Variants in MLLT3 observed in about 807,000 individuals in gnomAD.
MLLT3 encodes the protein MLLT3 super elongation complex subunit.
MLLT3 carries 4 observed loss-of-function variants against 53.2 expected under a neutral mutation model. The observed-to-expected ratio is 0.08, with a 90% CI of 0.04 to 0.17. The LOEUF (loss-of-function observed/expected upper bound fraction) is 0.17. MLLT3 is among the 10% of genes least tolerant of loss of function. The pLI is 1.00. For missense variants in MLLT3, 569 were observed against 684.0 expected (o/e 0.83, Z 1.87); for synonymous variants, 283 against 230.6 (o/e 1.23, Z -2.06).
At chr9:20,608,054 A>T (rs1423953193) in intron 2 of MLLT3, among the ~76,000 whole-genome samples, 2 of 152,082 alleles carry the variant, frequency 1.3e-5, no homozygotes, top group Admixed American at 6.5e-5. Context: ...TCCAAAAAGG[A>T]CCACTTCTTT....
chr9:20,394,590 T>C (rs1342291024), intron 5 of MLLT3, among the ~76,000 whole-genome samples: 1 of 152,074 alleles, frequency 6.6e-6, no homozygotes, highest in African/African-American at 2.4e-5. Context: ...AACTTTACTA[T>C]CTGGAGGCAA....
intron 5 of MLLT3, among the ~76,000 whole-genome samples, chr9:20,392,581 C>T (rs1822215375): frequency 6.6e-6 from 1 of 152,162 alleles, no homozygotes; most frequent in Non-Finnish European, 1.5e-5. Context: ...TTAAATTTCA[C>T]TTTCTTGGGT....
chr9:20,353,887 T>A (rs1464561419), intron 9 of MLLT3, among the ~76,000 whole-genome samples: 1 of 152,158 alleles, frequency 6.6e-6, no homozygotes, highest in Non-Finnish European at 1.5e-5. Context: ...TCCAACAATA[T>A]CTCTACAAAA....
At chr9:20,476,287 G>A (rs2118897304) in intron 2 of MLLT3, among the ~76,000 whole-genome samples, 1 of 152,168 alleles carries the variant, frequency 6.6e-6, no homozygotes, top group Middle Eastern at 3.4e-3. Context: ...CTCAAAGCAG[G>A]TCAGCAGGTT....
chr9:20,609,600 C>T (rs1185005372), intron 2 of MLLT3, among the ~76,000 whole-genome samples: 1 of 152,040 alleles, frequency 6.6e-6, no homozygotes, highest in African/African-American at 2.4e-5. Context: ...TGGTCAAGAG[C>T]CATAATTGAG....
chr9:20,503,422 G>A (rs1217019395), intron 2 of MLLT3, among the ~76,000 whole-genome samples: 2 of 152,066 alleles, frequency 1.3e-5, no homozygotes, highest in Non-Finnish European at 2.9e-5. Flanking sequence ...TTCAACAAAG[G>A]TGCCAAGAAT....
chr9:20,346,536 G>T lies in MLLT3; in HGVS notation c.1614C>A (p.Ile538=), dbSNP rs1257183259. The stretch of plus-strand genomic sequence containing the variant: ...GATCAAAATCAAATGTTGTGTTTGT[G>T]ATATGAAAGTGTCCAGTTTCTTCTA... ...NLIEETGHFH[I]TNTTFDFDLC... Residue 538 remains isoleucine (I), a synonymous_variant, in exon 11 of 11, where the codon ATC becomes ATA. Coordinates refer to ENST00000380338, the MANE Select transcript of MLLT3 (RefSeq NM_004529.4). 6.2e-7 allele frequency: 1 copy of T among 1,613,602 alleles called. No individual in the cohort carries two copies. The highest frequency in any genetic ancestry group is 8.5e-7 in the Non-Finnish European group (1 of 1,179,680).
At chr9:20,603,080 A>G (rs1820472356) in intron 2 of MLLT3, among the ~76,000 whole-genome samples, 1 of 152,024 alleles carries the variant, frequency 6.6e-6, no homozygotes, top group African/African-American at 2.4e-5. Flanking sequence ...ATCTGCCTCT[A>G]ATTTCTCCTT....
intron 5 of MLLT3, among the ~76,000 whole-genome samples, chr9:20,383,648 A>G (rs1163942538): frequency 6.6e-6 from 1 of 151,964 alleles, no homozygotes; most frequent in Admixed American, 6.6e-5. Flanking sequence ...AATAGGAATA[A>G]ATATAAAATT....
chr9:20,445,861 G>A (rs139466430), intron 4 of MLLT3, among the ~76,000 whole-genome samples: 1 of 152,016 alleles, frequency 6.6e-6, no homozygotes, highest in African/African-American at 2.4e-5. Context: ...CAAAAAATAA[G>A]AAGAAGAAGA....
chr9:20,495,716 A>T (rs1001318100), intron 2 of MLLT3, among the ~76,000 whole-genome samples: 2 of 152,208 alleles, frequency 1.3e-5, no homozygotes, highest in African/African-American at 2.4e-5. Flanking sequence ...TTCAAGCCTA[A>T]GATGGGTCTT....
intron 2 of MLLT3, among the ~76,000 whole-genome samples, chr9:20,568,900 T>A (rs768248489): frequency 5.9e-5 from 9 of 152,032 alleles, no homozygotes; most frequent in Non-Finnish European, 1.2e-4. Flanking sequence ...TAGAGTGGGG[T>A]TGGAGTAGGG....
At chr9:20,608,644 G>A (rs1183450395) in intron 2 of MLLT3, among the ~76,000 whole-genome samples, 4 of 151,886 alleles carry the variant, frequency 2.6e-5, no homozygotes, top group East Asian at 1.9e-4. Context: ...GACTCAAAAC[G>A]ACAAGGTGGC....
At chr9:20,504,204 G>C (rs889228038) in intron 2 of MLLT3, among the ~76,000 whole-genome samples, 1 of 151,962 alleles carries the variant, frequency 6.6e-6, no homozygotes, top group Admixed American at 6.5e-5. Context: ...ACATCCAAAG[G>C]AAACAAAACC....
intron 2 of MLLT3, among the ~76,000 whole-genome samples, chr9:20,476,935 C>G (rs550414260): frequency 6.6e-6 from 1 of 152,166 alleles, no homozygotes; most frequent in Admixed American, 6.6e-5. Flanking sequence ...TCTTTTCCAT[C>G]TGTGAATAAA....
At chr9:20,378,542 T>A (rs531457911) in intron 5 of MLLT3, among the ~76,000 whole-genome samples, 2 of 152,014 alleles carry the variant, frequency 1.3e-5, no homozygotes, top group Admixed American at 1.3e-4. Context: ...GAAGTGCACA[T>A]AGCTTTTCTT....
At chr9:20,426,702 G>C (rs1351091406) in intron 4 of MLLT3, among the ~76,000 whole-genome samples, 1 of 152,058 alleles carries the variant, frequency 6.6e-6, no homozygotes, top group African/African-American at 2.4e-5. Flanking sequence ...TGGGCAATAT[G>C]GTGGACTCTT....
At chr9:20,413,093 C>T (rs1158120825) in intron 5 of MLLT3, among the ~76,000 whole-genome samples, 3 of 152,136 alleles carry the variant, frequency 2.0e-5, no homozygotes, top group African/African-American at 7.2e-5. Context: ...AAATCAGTGG[C>T]TAAACAATGA....
chr9:20,436,751 C>A (rs565078768), intron 4 of MLLT3, among the ~76,000 whole-genome samples: 2 of 152,182 alleles, frequency 1.3e-5, no homozygotes, highest in African/African-American at 4.8e-5. Context: ...GTGACCTTGA[C>A]CTATTATATC....
Sources: allele counts gnomAD v4.1 joint callset (sites outside exome capture counted in the v4.1 genomes callset), GRCh38; gene constraint gnomAD v4.1.1; transcripts MANE v1.5; gene names NCBI Gene and HGNC (gene_info 2026-07-23, HGNC 2026-07-21).